The following COMMD1 variants were observed in gnomAD, a reference collection of about 807,000 sequenced individuals.
The protein encoded by COMMD1 is COMM domain-containing protein 1.
A neutral mutation model predicts 17.2 loss-of-function variants in COMMD1; 10 were observed. The observed-to-expected ratio is 0.58, with a 90% CI of 0.36 to 0.99. COMMD1 has a LOEUF of 0.99. Among genes scored for constraint, COMMD1 ranks in the 50% least tolerant of loss-of-function variants. The pLI, the probability that COMMD1 is intolerant of heterozygous loss-of-function variation, is 0.01. For synonymous variants in COMMD1, 97 were observed against 91.6 expected (o/e 1.06, Z -0.34); for missense variants, 270 against 231.8 (o/e 1.17, Z -1.07).
At chr2:61,954,580 G>A (rs1349128516) in intron 1 of COMMD1, among the ~76,000 whole-genome samples, 2 of 152,082 alleles carry the variant, frequency 1.3e-5, no homozygotes, top group Non-Finnish European at 2.9e-5. Context: ...GTCTTCCCTG[G>A]CATCTTTTAG....
At chr2:61,926,187 G>A (rs1376224208) in intron 1 of COMMD1, among the ~76,000 whole-genome samples, 4 of 152,034 alleles carry the variant, frequency 2.6e-5, no homozygotes, top group Non-Finnish European at 5.9e-5. Context: ...TAGCCAGAAT[G>A]GTCTCCATCT....
chr2:61,966,681 A>C (rs1421932206), intron 1 of COMMD1, among the ~76,000 whole-genome samples: 2 of 151,932 alleles, frequency 1.3e-5, no homozygotes, highest in Non-Finnish European at 2.9e-5. Flanking sequence ...GTGAGAAATG[A>C]AGTTGCCTAT....
intron 1 of COMMD1, among the ~76,000 whole-genome samples, chr2:61,972,825 A>G (rs1347630834): frequency 6.6e-6 from 1 of 151,978 alleles, no homozygotes; most frequent in East Asian, 1.9e-4. Flanking sequence ...ATCTTATAAA[A>G]TTTCTGTTTT....
At chr2:61,903,627 A>G (rs1008013918), upstream of COMMD1, among the ~76,000 whole-genome samples, 1 of 150,520 alleles carries the variant, frequency 6.6e-6, no homozygotes, top group Non-Finnish European at 1.5e-5. Context: ...ATCTCTGCTC[A>G]CTGCAGCCTC....
At chr2:61,962,546 A>G (rs937548208) in intron 1 of COMMD1, among the ~76,000 whole-genome samples, 2 of 152,098 alleles carry the variant, frequency 1.3e-5, no homozygotes, top group African/African-American at 4.8e-5. Context: ...TCCGGGGAGG[A>G]TAAGGTGGGG....
intron 1 of COMMD1, among the ~76,000 whole-genome samples, chr2:61,929,547 T>G (rs1210311147): frequency 1.3e-5 from 2 of 152,202 alleles, no homozygotes; most frequent in Non-Finnish European, 2.9e-5. Context: ...ACGACTCTCC[T>G]CTCTCCATCA....
intron 2 of COMMD1, among the ~76,000 whole-genome samples, chr2:62,125,298 C>CT (rs1245877776): frequency 6.6e-6 from 1 of 152,212 alleles, no homozygotes; most frequent in African/African-American, 2.4e-5. Context: ...CCTGCAGACT[C>CT]TATCTTAGTC....
At chr2:61,939,500 C>T (rs1572982540) in intron 1 of COMMD1, among the ~76,000 whole-genome samples, 1 of 151,788 alleles carries the variant, frequency 6.6e-6, no homozygotes, top group African/African-American at 2.4e-5. Flanking sequence ...AATTGATTGG[C>T]TATGTAGGCT....
intron 1 of COMMD1, among the ~76,000 whole-genome samples, chr2:61,998,416 C>T (rs573809531): frequency 6.6e-5 from 10 of 152,170 alleles, no homozygotes; most frequent in South Asian, 4.2e-4. Context: ...TGCGCCACTA[C>T]GCCCAGCTAA....
intron 1 of COMMD1, among the ~76,000 whole-genome samples, chr2:61,947,583 T>C (rs1489169739): frequency 6.6e-6 from 1 of 152,018 alleles, no homozygotes; most frequent in Non-Finnish European, 1.5e-5. Flanking sequence ...CTCGGGAGGC[T>C]GAGGCAGGAG....
At chr2:61,898,636 T>C (rs1412945038) in intron 1 of COMMD1, among the ~76,000 whole-genome samples, 1 of 152,142 alleles carries the variant, frequency 6.6e-6, no homozygotes, top group Admixed American at 6.6e-5. Flanking sequence ...TTATATAATA[T>C]TTTAATGTTT....
intron 1 of COMMD1, among the ~76,000 whole-genome samples, chr2:61,896,417 C>T (rs1385828202): frequency 6.6e-6 from 1 of 151,702 alleles, no homozygotes; most frequent in East Asian, 1.9e-4. Flanking sequence ...GAGATCCTGT[C>T]TCTAAAAAAA....
chr2:61,906,747 A>G (rs1489119453), intron 1 of COMMD1, among the ~76,000 whole-genome samples: 2 of 151,120 alleles, frequency 1.3e-5, no homozygotes, highest in Admixed American at 6.6e-5. Flanking sequence ...TTGTTTCTTG[A>G]AAAAAAAACC....
intron 2 of COMMD1, among the ~76,000 whole-genome samples, chr2:62,053,918 TG>T (rs1670615236): frequency 6.6e-6 from 1 of 152,190 alleles, no homozygotes; most frequent in African/African-American, 2.4e-5. Context: ...AGAGACAACC[TG>T]TTGAATGGAA....
chr2:62,021,870 T>G (rs1356245799), intron 2 of COMMD1, among the ~76,000 whole-genome samples: 1 of 152,230 alleles, frequency 6.6e-6, no homozygotes, highest in Non-Finnish European at 1.5e-5. Flanking sequence ...TTAATCACTG[T>G]GTTTTTAACA....
At chr2:62,124,386 G>A (rs1165938869) in intron 2 of COMMD1, among the ~76,000 whole-genome samples, 1 of 152,082 alleles carries the variant, frequency 6.6e-6, no homozygotes, top group African/African-American at 2.4e-5. Context: ...GCTGTGATAT[G>A]GTCACATTAA....
chr2:61,900,226 T>C (rs1669630303), intron 1 of COMMD1, among the ~76,000 whole-genome samples: 1 of 152,202 alleles, frequency 6.6e-6, no homozygotes, highest in South Asian at 2.1e-4. Context: ...CAGGCAAAGA[T>C]GTAAGTCAAC....
intron 2 of COMMD1, among the ~76,000 whole-genome samples, chr2:62,120,750 G>C (rs1251916649): frequency 6.6e-6 from 1 of 151,682 alleles, no homozygotes; most frequent in Non-Finnish European, 1.5e-5. Flanking sequence ...TTTAGAGATG[G>C]AGTCTTGCCC....
chr2:62,132,527 A>G (rs185787400), intron 2 of COMMD1, among the ~76,000 whole-genome samples: 2 of 152,266 alleles, frequency 1.3e-5, no homozygotes, highest in African/African-American at 4.8e-5. Context: ...TTTCTAGACC[A>G]TTGTGTCCAA....
Sources: allele counts gnomAD v4.1 joint callset (sites outside exome capture counted in the v4.1 genomes callset), GRCh38; gene constraint gnomAD v4.1.1; transcripts MANE v1.5; gene names NCBI Gene and HGNC (gene_info 2026-07-23, HGNC 2026-07-21).